Variants in SCN3A observed in about 807,000 individuals in gnomAD.
SCN3A encodes sodium voltage-gated channel alpha subunit 3, also known as sodium channel protein type 3 subunit alpha.
A neutral mutation model predicts 187.6 loss-of-function variants in SCN3A; 60 were observed. The observed-to-expected ratio is 0.32, with a 90% CI of 0.26 to 0.40. The LOEUF is 0.40. Among genes scored for constraint, SCN3A ranks in the 10% least tolerant of loss-of-function variants. The probability of loss-of-function intolerance (pLI) is 1.00; values close to 1 mark genes in which losing one functional copy is unlikely to be tolerated. For missense variants in SCN3A, 1,601 were observed against 2,428.2 expected, an observed-to-expected ratio of 0.66 and a Z score of 7.16; for synonymous variants, 788 against 829.2, an observed-to-expected ratio of 0.95 and a Z score of 0.85.
rs770371377 is a variant in SCN3A, at chr2:165,163,710, CTG to C, written c.603-3_603-2del. On this transcript the variant is annotated splice_acceptor_variant and splice_polypyrimidine_tract_variant and intron_variant, in intron 6 of 27. Transcript: ENST00000283254. LOFTEE classifies it high-confidence loss of function. ...CAGGTCCACAAACTCTGTCACATAT[CTG>C]TAATAGGGGAGTTCACACACAAACA... The C allele has an allele frequency of 6.2e-6, 10 of 1,613,876 alleles. No homozygotes were observed. In the Admixed American group the frequency reaches 1.7e-4, roughly 27 times the overall value.
At chr2:165,104,624 A>G (rs1043455007) in intron 21 of SCN3A, among the ~76,000 whole-genome samples, 1 of 152,052 alleles carries the variant, frequency 6.6e-6, no homozygotes, top group Admixed American at 6.5e-5. Flanking sequence ...CCAAGAAGAA[A>G]AAAAATTCTG....
chr2:165,137,793 T>G, intron 15 of SCN3A, 86 bp downstream of exon 15: 1 of 1,056,424 alleles, frequency 9.5e-7, no homozygotes, highest in African/African-American at 1.6e-5. Context: ...AATTTTTGGG[T>G]TCAACACAGC....
chr2:165,147,290 G>C (rs530262290), intron 11 of SCN3A, among the ~76,000 whole-genome samples: 1 of 138,558 alleles, frequency 7.2e-6, no homozygotes, highest in African/African-American at 2.7e-5. Context: ...TTTTGGGGGG[G>C]GGGGGTTGGT....
rs948689533 is a variant in SCN3A, at chr2:165,121,543, C to G, written c.3394-5968G>C. 2.0e-5 allele frequency among the ~76,000 whole-genome samples: 3 copies of G among 152,124 alleles called. 1 individual carries two copies. Among genetic ancestry groups the G allele is most frequent in the African/African-American group, 7.2e-5 (3 of 41,436 alleles). On this transcript the variant is annotated intron_variant, in intron 18 of 27. Transcript: ENST00000283254. ...TTGCATAAATCACCATGGACTGTAT[C>G]TTTGTTACTATTTTCCATTGATAAT...
chr2:165,090,047 C>G lies in SCN3A; in HGVS notation c.*103G>C. 6.6e-7 allele frequency: 1 copy of G among 1,506,198 alleles called. No homozygotes were observed. The highest frequency in any genetic ancestry group is 8.9e-7 in the Non-Finnish European group (1 of 1,121,488). 93.3% of individuals were successfully genotyped at this position (1,506,198 alleles called of 1,614,324 possible). A position where few individuals can be genotyped will look rare whatever the true frequency, so the allele number is the denominator to read the frequency against. On this transcript the variant is annotated 3_prime_UTR_variant, in exon 28 of 28. Coordinates refer to ENST00000283254, the MANE Select transcript of SCN3A (RefSeq NM_006922.4). This position sits in a 1 kb window ranked among gnomAD's most constrained non-coding sequence, Gnocchi z 4.0. ...CACTGACTATGAGTATTTGTTAAAA[C>G]AGTCAGTTTGGCATGGACCTCCTCT...
intron 1 of SCN3A, among the ~76,000 whole-genome samples, chr2:165,194,241 G>A (rs1404307316): frequency 6.6e-6 from 1 of 152,118 alleles, no homozygotes; most frequent in African/African-American, 2.4e-5. Flanking sequence ...TCGTGTTTAT[G>A]TGAGTAAAAA....
chr2:165,092,217 C>T lies in SCN3A; in HGVS notation c.4807+37G>A, dbSNP rs997928815. 9.3e-6 allele frequency: 15 copies of T among 1,605,862 alleles called. No homozygotes were observed. The highest frequency in any genetic ancestry group is 1.7e-4 in the Middle Eastern group (1 of 6,054). ...AGAAGGTCCTGGGGCAACTGTTTCT[C>T]TGTAACTATACCTCTTGGTAATTAA... On this transcript the variant is annotated intron_variant, in intron 27 of 27. Coordinates refer to ENST00000283254, the MANE Select transcript of SCN3A (RefSeq NM_006922.4). This position sits in a 1 kb window ranked among gnomAD's most constrained non-coding sequence, Gnocchi z 4.2.
intron 12 of SCN3A, among the ~76,000 whole-genome samples, chr2:165,146,428 A>ATG (rs1688335247): frequency 1.4e-5 from 2 of 138,558 alleles, no homozygotes; most frequent in African/African-American, 5.3e-5. Context: ...GTATAGACAC[A>ATG]TATATACACA....
chr2:165,100,647 C>T (rs530129061), intron 21 of SCN3A, among the ~76,000 whole-genome samples: 11 of 152,086 alleles, frequency 7.2e-5, no homozygotes, highest in South Asian at 2.1e-4. Context: ...TTTATCAACA[C>T]GTGTCAATAT....
rs1687956078 is a variant in SCN3A, at chr2:165,140,706, G to T, written c.1964C>A (p.Ser655Tyr). 6.2e-7 allele frequency: 1 copy of T among 1,613,968 alleles called. No individual in the cohort carries two copies. The highest frequency in any genetic ancestry group is 2.2e-5 in the East Asian group (1 of 44,856). The change falls in exon 13 of 28, where the codon TCC becomes TAC. Residue 655 changes from serine to tyrosine, a missense_variant. By Grantham distance (144) the Ser-to-Tyr change is moderately radical. Coordinates refer to ENST00000283254, the MANE Select transcript of SCN3A (RefSeq NM_006922.4). The surrounding 1 kb of genome is among the most constrained non-coding windows in gnomAD (Gnocchi z 4.2). ...HSTVDCNGVV[S>Y]LVGGPSALTS... ...TAGAGCTGAAGGTCCACCCACCAAG[G>T]AAACCACACCATTGCAATCCACAGT...
intron 9 of SCN3A, among the ~76,000 whole-genome samples, chr2:165,156,247 C>G (rs1044493205): frequency 1.3e-5 from 2 of 152,110 alleles, no homozygotes; most frequent in South Asian, 4.1e-4. Flanking sequence ...TGGCTCACGC[C>G]TGTAATCCCA....
intron 15 of SCN3A, among the ~76,000 whole-genome samples, chr2:165,132,939 A>G (rs1687433510): frequency 6.6e-6 from 1 of 152,200 alleles, no homozygotes; most frequent in Non-Finnish European, 1.5e-5. Context: ...TTACAAGAAA[A>G]AAACAAACAA....
intron 5 of SCN3A, among the ~76,000 whole-genome samples, chr2:165,166,257 G>A (rs770404656): frequency 1.3e-5 from 2 of 151,804 alleles, no homozygotes; most frequent in African/African-American, 2.4e-5. Context: ...GTCCATGGAA[G>A]AGAGTCCTAG....
Position 165,127,659 on chromosome 2 carries a change from C to T in SCN3A, c.3365G>A (p.Ser1122Asn). The T allele has an allele frequency of 1.2e-6, 2 of 1,614,060 alleles. No individual in the cohort carries two copies. Among genetic ancestry groups the T allele is most frequent in the Non-Finnish European group, 1.7e-6 (2 of 1,179,970 alleles). Reference sequence around the variant, plus strand: ...TTTGCTTTCTTCTAGTTCTGACTCACTGCTGAACTCTTCAGTATTTAAGTT... The same window carrying T: ...TTTGCTTTCTTCTAGTTCTGACTCATTGCTGAACTCTTCAGTATTTAAGTT... ...FENLNTEEFS[S>N]ESELEESKEK... is the part of the protein sequence containing the mutation. Residue 1122 changes from serine (S) to asparagine (N), a missense_variant, in exon 18 of 28, where the codon AGT (serine) becomes AAT (asparagine). Transcript: ENST00000283254.
intron 11 of SCN3A, among the ~76,000 whole-genome samples, chr2:165,152,124 A>T (rs1476320349): frequency 6.6e-6 from 1 of 152,200 alleles, no homozygotes; most frequent in African/African-American, 2.4e-5. Flanking sequence ...AAAAAGTAAA[A>T]TTGACAGTGT....
intron 9 of SCN3A, 121 bp downstream of exon 9, chr2:165,162,187 C>T: frequency 1.1e-6 from 1 of 873,092 alleles, no homozygotes; most frequent in Non-Finnish European, 1.8e-6. Flanking sequence ...CCTAGGGGAG[C>T]AGCACTGCTC....
chr2:165,129,983 C>T lies in SCN3A; in HGVS notation c.2879G>A (p.Cys960Tyr). 1 of 1,614,142 alleles carries T rather than the reference C, an allele frequency of 6.2e-7. No individual in the cohort carries two copies. The highest frequency in any genetic ancestry group is 8.5e-7 in the Non-Finnish European group (1 of 1,180,024). Residue 960 changes from cysteine (C) to tyrosine (Y), a missense_variant, in exon 17 of 28, where the codon TGC (cysteine) becomes TAC (tyrosine). Coordinates refer to ENST00000283254, the MANE Select transcript of SCN3A (RefSeq NM_006922.4). ...DCMEVAGQTM[C>Y]LIVFMLVMVI... ...CATGACCAACATGAAAACAATAAGG[C>T]ACATGGTTTGGCCAGCGACCTCCAT... is the stretch of plus-strand genomic sequence containing the variant.
At chr2:165,147,065 C>CA (rs1189267857) in intron 11 of SCN3A, 36 bp from the exon 12 acceptor site, 1 of 1,612,240 alleles carries the variant, frequency 6.2e-7, no homozygotes, top group Non-Finnish European at 8.5e-7. Flanking sequence ...ATTTAGAACA[C>CA]AGAGCTTTGA....
chr2:165,201,215 T>G (rs1268198219), intron 1 of SCN3A, among the ~76,000 whole-genome samples: 1 of 152,102 alleles, frequency 6.6e-6, no homozygotes, highest in Non-Finnish European at 1.5e-5. Context: ...GAAGGCATTA[T>G]GAGTTCTATA....
Sources: gnomAD v4.1 joint callset for allele counts (sites outside exome capture counted in the v4.1 genomes callset) on GRCh38, gnomAD v4.1.1 for gene constraint, Gnocchi (gnomAD v3.1) non-coding constraint, MANE v1.5 for transcripts, NCBI Gene and HGNC (gene_info 2026-07-23, HGNC 2026-07-21) for gene names.